CSMD3: variants seen among roughly 807,000 people sequenced by gnomAD.
CSMD3 encodes the protein CUB and sushi domain-containing protein 3.
A neutral mutation model predicts 435.2 loss-of-function variants in CSMD3; 177 were observed. The ratio of observed to expected loss-of-function variants is 0.41; its 90% CI spans 0.36 to 0.46. CSMD3 has a LOEUF of 0.46. Among genes scored for constraint, CSMD3 ranks in the 20% least tolerant of loss-of-function variants. CSMD3 has a pLI of 0.34. For synonymous variants in CSMD3, 1,656 were observed against 1,520.5 expected (o/e 1.09, Z -2.07); for missense variants, 4,265 against 4,504.6 (o/e 0.95, Z 1.52).
chr8:113,030,132 C>T lies in CSMD3; in HGVS notation c.918-10953G>A, dbSNP rs144389671. 8.8e-3 allele frequency among the ~76,000 whole-genome samples: 1,333 copies of T among 151,380 alleles called. 26 individuals carry two copies. Among genetic ancestry groups the T allele is most frequent in the African/African-American group, 0.031 (1,265 of 41,428 alleles). On this transcript the variant is annotated intron_variant, in intron 5 of 70. Coordinates refer to ENST00000297405, the MANE Select transcript of CSMD3 (RefSeq NM_198123.2). ...CACTGCTGAAAGAAATCTTAGACAA[C>T]ACAAACAAATGGAAACACATCCCAT...
chr8:113,013,027 T>C (rs1276794626), intron 6 of CSMD3, among the ~76,000 whole-genome samples: 3 of 152,062 alleles, frequency 2.0e-5, no homozygotes, highest in Non-Finnish European at 2.9e-5. Context: ...AGAAAAAATA[T>C]ATCATTGAAC....
intron 1 of CSMD3, among the ~76,000 whole-genome samples, chr8:113,407,735 G>A (rs1194850970): frequency 6.6e-6 from 1 of 152,032 alleles, no homozygotes; most frequent in Non-Finnish European, 1.5e-5. Context: ...ACAGACCATC[G>A]TAGGTAGGTT....
At chr8:113,054,893 C>T (rs982037337) in intron 5 of CSMD3, among the ~76,000 whole-genome samples, 1 of 152,014 alleles carries the variant, frequency 6.6e-6, no homozygotes, top group South Asian at 2.1e-4. Flanking sequence ...AACACTGTGC[C>T]CTAGATGTCT....
intron 1 of CSMD3, among the ~76,000 whole-genome samples, chr8:113,347,558 G>A (rs921158017): frequency 5.3e-5 from 8 of 152,118 alleles, no homozygotes; most frequent in Non-Finnish European, 8.8e-5. Flanking sequence ...GCAAGAGTGG[G>A]AGCGACAGCT....
chr8:113,427,288 A>G (rs2094641455), intron 1 of CSMD3, among the ~76,000 whole-genome samples: 1 of 151,444 alleles, frequency 6.6e-6, no homozygotes, highest in South Asian at 2.1e-4. Flanking sequence ...GTATATCTAT[A>G]TTCCCCCCAG....
At chr8:112,965,323 G>C (rs2084377108) in intron 7 of CSMD3, among the ~76,000 whole-genome samples, 1 of 151,796 alleles carries the variant, frequency 6.6e-6, no homozygotes, top group Non-Finnish European at 1.5e-5. Context: ...TTAAAGTTAA[G>C]CTTTCTCTTT....
At chr8:112,476,162 C>G (rs1471908994) in intron 31 of CSMD3, among the ~76,000 whole-genome samples, 1 of 152,158 alleles carries the variant, frequency 6.6e-6, no homozygotes, top group African/African-American at 2.4e-5. Context: ...TCTCCTACCT[C>G]AGCCTCCAGA....
chr8:112,343,015 A>ATATT (rs1476160810), intron 41 of CSMD3, among the ~76,000 whole-genome samples: 21 of 92,916 alleles, frequency 2.3e-4, no homozygotes, highest in African/African-American at 6.2e-4. Context: ...ATATATATAT[A>ATATT]TTTATATATA....
At chr8:112,420,364 T>C (rs1812348488) in intron 32 of CSMD3, among the ~76,000 whole-genome samples, 1 of 152,120 alleles carries the variant, frequency 6.6e-6, no homozygotes, top group Admixed American at 6.6e-5. Flanking sequence ...CTCTAACAGA[T>C]AAAAACTTTA....
chr8:112,749,408 G>A (rs952411525), intron 13 of CSMD3, among the ~76,000 whole-genome samples: 6 of 151,888 alleles, frequency 4.0e-5, no homozygotes, highest in African/African-American at 9.7e-5. Context: ...GTCATAAAAC[G>A]TTTTCCCGTT....
At chr8:112,623,063 G>T (rs550414635) in intron 22 of CSMD3, among the ~76,000 whole-genome samples, 3 of 151,878 alleles carry the variant, frequency 2.0e-5, no homozygotes, top group Non-Finnish European at 4.4e-5. Context: ...CATATACTGA[G>T]GCTTCAGAAC....
chr8:113,159,735 T>G (rs1420091473), intron 4 of CSMD3, among the ~76,000 whole-genome samples: 2 of 152,036 alleles, frequency 1.3e-5, no homozygotes, highest in Non-Finnish European at 2.9e-5. Context: ...TCTATAGGAT[T>G]TAACCTGAAT....
chr8:113,188,269 G>A (rs148296875), intron 3 of CSMD3, among the ~76,000 whole-genome samples: 2 of 152,046 alleles, frequency 1.3e-5, no homozygotes, highest in Non-Finnish European at 2.9e-5. Context: ...AATCAAGTCA[G>A]ATATTATACT....
chr8:113,355,638 G>T (rs1049263983), intron 1 of CSMD3, among the ~76,000 whole-genome samples: 18 of 147,902 alleles, frequency 1.2e-4, no homozygotes, highest in Non-Finnish European at 2.2e-4. Flanking sequence ...AATTTTAGGG[G>T]GACACAAACA....
chr8:112,927,932 T>C (rs2082964587), intron 9 of CSMD3, among the ~76,000 whole-genome samples: 1 of 152,082 alleles, frequency 6.6e-6, no homozygotes, highest in Non-Finnish European at 1.5e-5. Flanking sequence ...ACTCACTACC[T>C]CATTCAATAT....
chr8:112,275,418 G>C (rs888683265), intron 59 of CSMD3, among the ~76,000 whole-genome samples: 2 of 151,996 alleles, frequency 1.3e-5, no homozygotes, highest in African/African-American at 4.8e-5. Context: ...ATGGTGGTGG[G>C]TGTCTGTAAT....
At chr8:113,226,667 C>A (rs1166236239) in intron 3 of CSMD3, among the ~76,000 whole-genome samples, 2 of 151,464 alleles carry the variant, frequency 1.3e-5, no homozygotes, top group African/African-American at 4.8e-5. Context: ...AACACATATT[C>A]CACTATTTAA....
At chr8:112,325,949 C>T (rs931650622) in intron 45 of CSMD3, among the ~76,000 whole-genome samples, 9 of 152,068 alleles carry the variant, frequency 5.9e-5, no homozygotes, top group African/African-American at 1.4e-4. Context: ...CTGTCTGGCA[C>T]ATTTTAAGCT....
chr8:112,998,209 T>G (rs1485227744), intron 6 of CSMD3, among the ~76,000 whole-genome samples: 1 of 151,922 alleles, frequency 6.6e-6, no homozygotes, highest in Admixed American at 6.6e-5. Context: ...TTAATGAATA[T>G]TATTCAGTGA....
Sources: allele counts gnomAD v4.1 joint callset (sites outside exome capture counted in the v4.1 genomes callset), GRCh38; gene constraint gnomAD v4.1.1; transcripts MANE v1.5; gene names NCBI Gene and HGNC (gene_info 2026-07-23, HGNC 2026-07-21).